ACAD10: variants seen among roughly 807,000 people sequenced by gnomAD.
ACAD10 encodes ACAD-10.
ACAD10 carries 112 observed loss-of-function variants against 116.8 expected under a neutral mutation model. The ratio of observed to expected loss-of-function variants is 0.96; its 90% CI spans 0.82 to 1.12. ACAD10 has a LOEUF of 1.12. Among genes scored for constraint, ACAD10 ranks in the 50% most tolerant of loss-of-function variants. The pLI is 0.00. For synonymous variants in ACAD10, 486 were observed against 510.6 expected (o/e 0.95, Z 0.65); for missense variants, 1,259 against 1,350.2 (o/e 0.93, Z 1.06).
rs2068088648 is a variant in ACAD10 at position 111,756,771 on chromosome 12, A to G, written c.*298A>G. The G allele has an allele frequency of 1.8e-6, 1 of 553,728 alleles. No homozygotes were observed. The highest frequency in any genetic ancestry group is 2.2e-5 in the Admixed American group (1 of 45,174). The allele number at this position is 553,728 out of a possible 1,614,324, so 34.3% of individuals were successfully genotyped here. A position where few individuals can be genotyped will look rare whatever the true frequency, so the allele number is the denominator to read the frequency against. The stretch of plus-strand genomic sequence containing the variant: ...AGTCCCAGGCTGGGCAGGCACGGTC[A>G]CTTCACTTCAGCCTTTCAGTCCCTC... On this transcript the variant is annotated 3_prime_UTR_variant, in exon 21 of 21. Coordinates refer to ENST00000313698, the MANE Select transcript of ACAD10 (RefSeq NM_025247.6).
At position 111,720,570 on chromosome 12, in the gene ACAD10, G is replaced by A. The variant is rs559833714; in HGVS notation, c.993-1101G>A. 1.1e-4 allele frequency among the ~76,000 whole-genome samples: 16 copies of A among 152,102 alleles called. No homozygotes were observed. The South Asian group carries it at 1.9e-3, about 18-fold the overall frequency. On this transcript the variant is annotated intron_variant, in intron 7 of 20. Coordinates refer to ENST00000313698, the MANE Select transcript of ACAD10 (RefSeq NM_025247.6). ...TCTTTATCTCTGGTGGTACACTGTCGTAAAGGCTGCTTTATTTGATATTAA... is the reference window on the plus strand; with the variant it reads ...TCTTTATCTCTGGTGGTACACTGTCATAAAGGCTGCTTTATTTGATATTAA...
chr12:111,746,879 T>C (rs1418073221), intron 14 of ACAD10, among the ~76,000 whole-genome samples, 170 bp from the exon 15 acceptor site: 1 of 152,160 alleles, frequency 6.6e-6, no homozygotes, highest in East Asian at 1.9e-4. Context: ...ATACCTGTAG[T>C]CTCAGCTGCT....
chr12:111,718,036 C>CTTTTTTTTTTTTTTT lies in ACAD10; in HGVS notation c.992+2091_992+2105dup, dbSNP rs560344796. ...TATACGTAGGATCTATAGTGATATCCTTTTTTTTTTTTTTTTTTTTTTTTT... is the reference window on the plus strand; with the variant it reads ...TATACGTAGGATCTATAGTGATATCCTTTTTTTTTTTTTTTTTTTTTTTTTTTTTTTTTTTTTTTT... On this transcript the variant is annotated intron_variant, in intron 7 of 20. Transcript: ENST00000313698. 4.2e-4 allele frequency among the ~76,000 whole-genome samples: 27 copies of CTTTTTTTTTTTTTTT among 63,678 alleles called. 6 individuals are homozygous for CTTTTTTTTTTTTTTT. Among genetic ancestry groups the CTTTTTTTTTTTTTTT allele is most frequent in the African/African-American group, 2.0e-3 (25 of 12,208 alleles). The allele number at this position is 63,678 out of a possible 152,430, so 41.8% of individuals were successfully genotyped here.
At chr12:111,718,759 A>G (rs943139658) in intron 7 of ACAD10, among the ~76,000 whole-genome samples, 4 of 152,018 alleles carry the variant, frequency 2.6e-5, no homozygotes, top group African/African-American at 9.7e-5. Flanking sequence ...GACTACAGGT[A>G]TGAGCCTCTG....
chr12:111,693,202 A>G (rs1888105737), intron 2 of ACAD10: 1 of 302,980 alleles, frequency 3.3e-6, no homozygotes. Flanking sequence ...TGCATCCTAA[A>G]TTCTCAATCA....
chr12:111,702,729 C>CA (rs988566937), intron 3 of ACAD10, among the ~76,000 whole-genome samples: 5 of 151,398 alleles, frequency 3.3e-5, no homozygotes, highest in Admixed American at 1.3e-4. Flanking sequence ...GAAACTGTCT[C>CA]AAAAAAAATA....
Position 111,753,840 on chromosome 12 carries a change from G to T in ACAD10, c.2886G>T (p.Gln962His). Residue 962 changes from glutamine (Q) to histidine (H), a missense_variant, in exon 19 of 21, where the codon CAG becomes CAT. By Grantham distance (24) the Gln-to-His change is conservative (BLOSUM62 0). Coordinates refer to ENST00000313698, the MANE Select transcript of ACAD10 (RefSeq NM_025247.6). ...EQGTVLADIA[Q>H]SRVEIEQARL... ...GCACAGTGCTGGCGGACATCGCGCA[G>T]TCGCGCGTGGAGATTGAGCAGGCAC... is the stretch of plus-strand genomic sequence containing the variant. The T allele has an allele frequency of 1.9e-6, 3 of 1,614,030 alleles. No individual in the cohort carries two copies. Among genetic ancestry groups the T allele is most frequent in the Middle Eastern group, 1.7e-4 (1 of 6,040 alleles).
intron 13 of ACAD10, 30 bp downstream of exon 13, chr12:111,745,073 C>T (rs746846377): frequency 3.1e-6 from 5 of 1,593,520 alleles, no homozygotes; most frequent in Non-Finnish European, 3.4e-6. Flanking sequence ...GTGGTAAGAC[C>T]CCAATACCAT....
rs765828372 is a variant in ACAD10 at position 111,692,859 on chromosome 12, C to T, written c.150C>T (p.Gly50=). Residue 50 remains glycine (G), a synonymous_variant, in exon 2 of 21, where the codon GGC becomes GGT. Transcript: ENST00000313698. ...ACAGAGCGGTGATTTTCGACATGGG[C>T]GGAGTTCTCATTCCTTCTCCAGGGA... The part of the protein sequence containing the change: ...STYRAVIFDM[G]GVLIPSPGRV... 50 of 1,614,024 alleles carry T rather than the reference C, an allele frequency of 3.1e-5. No individual in the cohort carries two copies. The highest frequency in any genetic ancestry group is 1.6e-4 in the Middle Eastern group (1 of 6,082).
At chr12:111,723,522 T>C (rs1415052472) in intron 8 of ACAD10, among the ~76,000 whole-genome samples, 2 of 123,974 alleles carry the variant, frequency 1.6e-5, no homozygotes, top group Admixed American at 7.8e-5. Flanking sequence ...GAGGGGCTCC[T>C]CACTTCCCAG....
chr12:111,735,076 T>C (rs559034489), intron 11 of ACAD10, among the ~76,000 whole-genome samples: 96 of 152,040 alleles, frequency 6.3e-4, no homozygotes, highest in African/African-American at 2.1e-3. Flanking sequence ...ACAAAAAAAT[T>C]AGCTGGGCGT....
chr12:111,728,182 T>C, intron 9 of ACAD10, 39 bp downstream of exon 9: 2 of 1,545,432 alleles, frequency 1.3e-6, no homozygotes, highest in Non-Finnish European at 1.7e-6. Flanking sequence ...GGTTGTTTCA[T>C]CACTAGTGCT....
chr12:111,705,977 C>G (rs773066587), intron 4 of ACAD10, 45 bp downstream of exon 4: 32 of 1,584,590 alleles, frequency 2.0e-5, no homozygotes, highest in Middle Eastern at 1.7e-4. Flanking sequence ...AATCTGTGCC[C>G]TCGCTTCAGG....
At chr12:111,751,626 G>A (rs996994462) in intron 18 of ACAD10, among the ~76,000 whole-genome samples, 2 of 152,124 alleles carry the variant, frequency 1.3e-5, no homozygotes, top group African/African-American at 4.8e-5. Flanking sequence ...AGCTACTTGG[G>A]AGGCTGAGGC....
chr12:111,734,051 GT>G lies in ACAD10; in HGVS notation c.1527del (p.Val511CysfsTer2), dbSNP rs761082766. On this transcript the variant is annotated frameshift_variant, in exon 11 of 21. Transcript: ENST00000313698. LOFTEE classifies it high-confidence loss of function. The part of the protein sequence containing the change: ...YSCLAHYLPS[S>X]FPVLRGINDC... ...TGCCTGGCTCATTACCTGCCATCCA[GT>G]TTTCCCGTGCTGAGAGGTAGGAACT... 1.9e-6 allele frequency: 3 copies of G among 1,614,234 alleles called. No individual in the cohort carries two copies. The South Asian group carries it at 3.3e-5, about 18-fold the overall frequency.
At position 111,686,096 on chromosome 12, in the gene ACAD10, A is replaced by T. The variant is rs1887835047; in HGVS notation, c.-157A>T. 5.2e-6 allele frequency: 1 copy of T among 192,974 alleles called. No homozygotes were observed. Among genetic ancestry groups the T allele is most frequent in the Non-Finnish European group, 1.1e-5 (1 of 94,666 alleles). 12.0% of individuals were successfully genotyped at this position (192,974 alleles called of 1,614,324 possible). The stretch of plus-strand genomic sequence containing the variant: ...ATTTTGAGGAGGTCGGAGCGGAAGG[A>T]CGTCGTGGAGATTGCTTGCGCTGGG... On this transcript the variant is annotated 5_prime_UTR_variant, in exon 1 of 21. Coordinates refer to ENST00000313698, the MANE Select transcript of ACAD10 (RefSeq NM_025247.6).
Position 111,756,394 on chromosome 12 carries a change from G to T in ACAD10, c.3101G>T (p.Arg1034Leu). The part of the protein sequence containing the change: ...YPLAQFFTWA[R>L]ALRFADGPDE... ...CTGGCTCAGTTCTTCACCTGGGCCC[G>T]AGCCCTGCGCTTTGCCGACGGCCCT... Residue 1034 changes from arginine (R) to leucine (L), a missense_variant, in exon 21 of 21, where the codon CGA becomes CTA. Transcript: ENST00000313698. The T allele has an allele frequency of 1.9e-6, 3 of 1,612,014 alleles. No individual in the cohort carries two copies. Among genetic ancestry groups the T allele is most frequent in the Non-Finnish European group, 2.5e-6 (3 of 1,179,696 alleles).
At chr12:111,719,277 G>A (rs558977594) in intron 7 of ACAD10, among the ~76,000 whole-genome samples, 6 of 151,926 alleles carry the variant, frequency 3.9e-5, no homozygotes, top group African/African-American at 1.4e-4. Context: ...TTTTTGAGAT[G>A]GAGTCTTGGT....
intron 11 of ACAD10, among the ~76,000 whole-genome samples, chr12:111,734,896 T>G (rs570032544): frequency 3.3e-5 from 5 of 152,350 alleles, no homozygotes; most frequent in African/African-American, 1.2e-4. Flanking sequence ...ATAGCATAAT[T>G]TTTAATGAGA....
Sources: gnomAD v4.1 joint callset for allele counts (sites outside exome capture counted in the v4.1 genomes callset) on GRCh38, gnomAD v4.1.1 for gene constraint, MANE v1.5 for transcripts, NCBI Gene and HGNC (gene_info 2026-07-23, HGNC 2026-07-21) for gene names.